PCDHGA6: variants seen among roughly 807,000 people sequenced by gnomAD.
PCDHGA6 encodes protocadherin gamma subfamily A, 6, also known as protocadherin gamma-A6.
In PCDHGA6, 41 loss-of-function variants were observed where a neutral mutation model predicts 60.6. That is an observed-to-expected ratio of 0.68 (90% CI 0.53 to 0.88). The LOEUF (loss-of-function observed/expected upper bound fraction) is 0.88, where lower values mean the gene tolerates loss of function less well. PCDHGA6 is among the 40% of genes least tolerant of loss of function. The pLI is 0.00. For missense variants in PCDHGA6, 1,312 were observed against 1,203.0 expected, an observed-to-expected ratio of 1.09 and a Z score of -1.34; for synonymous variants, 594 against 524.4, an observed-to-expected ratio of 1.13 and a Z score of -1.81.
Position 141,375,434 on chromosome 5 carries a change from A to G in PCDHGA6, c.1351A>G (p.Thr451Ala), listed in dbSNP as rs1423365367. 3 of 1,613,800 alleles carry G rather than the reference A, an allele frequency of 1.9e-6. No individual in the cohort carries two copies. The highest frequency in any genetic ancestry group is 2.5e-6 in the Non-Finnish European group (3 of 1,180,026). ...GGCAGACACCAACGACAACCCGCCC[A>G]CCTTCCCCCATTCATCCTACTCAGT... is the stretch of plus-strand genomic sequence containing the variant. ...NVADTNDNPP[T>A]FPHSSYSVYV... Residue 451 changes from threonine to alanine, a missense_variant, in exon 1 of 4, where the codon ACC becomes GCC. Coordinates refer to ENST00000517434, the MANE Select transcript of PCDHGA6 (RefSeq NM_018919.3).
chr5:141,379,652 T>C (rs905079980), intron 1 of PCDHGA6: 2 of 152,132 alleles, frequency 1.3e-5, no homozygotes, highest in Non-Finnish European at 2.9e-5. Flanking sequence ...ACTACCAACT[T>C]CTACTCTCAC....
chr5:141,491,871 C>T lies in PCDHGA6; in HGVS notation c.2425-2936C>T, dbSNP rs1222191027. 2.1e-6 allele frequency: 3 copies of T among 1,451,434 alleles called. No individual in the cohort carries two copies. Among genetic ancestry groups the T allele is most frequent in the Non-Finnish European group, 2.7e-6 (3 of 1,098,418 alleles). 89.9% of individuals were successfully genotyped at this position (1,451,434 alleles called of 1,614,324 possible). ...ACCGTTTGCGCGAAACCAGAGTGGC[C>T]GATTAAGGGATGGGGCTCCGAGCAC... On this transcript the variant is annotated intron_variant, in intron 1 of 3. Transcript: ENST00000517434. The surrounding 1 kb of genome is among the most constrained non-coding windows in gnomAD (Gnocchi z 6.9).
At chr5:141,426,955 C>T (rs1380917458) in intron 1 of PCDHGA6, 3 of 456,658 alleles carry the variant, frequency 6.6e-6, no homozygotes, top group South Asian at 1.5e-5. Flanking sequence ...ACTGGCACTG[C>T]TGCAATTCAA....
Position 141,383,071 on chromosome 5 carries a change from G to C in PCDHGA6, c.2424+6564G>C. ...CAAGGACCTGGGGCTGGAGCCCCGGGAGCTGGCGGAGCGCGGAGTCCGCAT... is the reference window on the plus strand; with the variant it reads ...CAAGGACCTGGGGCTGGAGCCCCGGCAGCTGGCGGAGCGCGGAGTCCGCAT... On this transcript the variant is annotated intron_variant, in intron 1 of 3. Coordinates refer to ENST00000517434, the MANE Select transcript of PCDHGA6 (RefSeq NM_018919.3). The C allele has an allele frequency of 1.9e-6, 3 of 1,613,916 alleles. No homozygotes were observed. The South Asian group carries it at 3.3e-5, about 18-fold the overall frequency.
At chr5:141,382,671 T>C in intron 1 of PCDHGA6, 1 of 434,850 alleles carries the variant, frequency 2.3e-6, no homozygotes, top group Non-Finnish European at 4.0e-6. Context: ...GCGCCGCTGT[T>C]CACCAACCAG....
intron 1 of PCDHGA6, among the ~76,000 whole-genome samples, chr5:141,437,415 G>A: frequency 6.6e-6 from 1 of 152,162 alleles, no homozygotes; most frequent in Non-Finnish European, 1.5e-5. Context: ...GAAGTATTAT[G>A]CTTTTTGAAG....
Position 141,486,151 on chromosome 5 carries a change from T to C in PCDHGA6, c.2425-8656T>C, listed in dbSNP as rs570065848. The C allele has an allele frequency of 2.7e-5, 44 of 1,613,914 alleles. No individual in the cohort carries two copies. In the South Asian group the frequency reaches 4.3e-4, roughly 16 times the overall value. ...TTGATGTGCGGGCTCGCGATGGGGGTTCTCCAGCCATGGAGCAACATTGCA... is the reference window on the plus strand; with the variant it reads ...TTGATGTGCGGGCTCGCGATGGGGGCTCTCCAGCCATGGAGCAACATTGCA... On this transcript the variant is annotated intron_variant, in intron 1 of 3. Transcript: ENST00000517434. The surrounding 1 kb of genome is among the most constrained non-coding windows in gnomAD (Gnocchi z 5.0).
At chr5:141,422,806 C>T (rs868426196) in intron 1 of PCDHGA6, 2 of 1,614,208 alleles carry the variant, frequency 1.2e-6, no homozygotes, top group Non-Finnish European at 1.7e-6. Flanking sequence ...TGAGCAGTTT[C>T]GAGACTTAGA....
At position 141,491,070 on chromosome 5, in the gene PCDHGA6, G is replaced by T. The variant is rs1405880268; in HGVS notation, c.2425-3737G>T. On this transcript the variant is annotated intron_variant, in intron 1 of 3. Transcript: ENST00000517434. The surrounding 1 kb of genome is among the most constrained non-coding windows in gnomAD (Gnocchi z 6.9). ...ATGCGTGGCTCTCCTACTCACTGTTGCCACAGTCCACAGCCCCAGGACTGT... is the reference window on the plus strand; with the variant it reads ...ATGCGTGGCTCTCCTACTCACTGTTTCCACAGTCCACAGCCCCAGGACTGT... 6.2e-7 allele frequency: 1 copy of T among 1,614,162 alleles called. No homozygotes were observed. Among genetic ancestry groups the T allele is most frequent in the Non-Finnish European group, 8.5e-7 (1 of 1,180,038 alleles).
At chr5:141,445,838 A>T (rs1302150397) in intron 1 of PCDHGA6, among the ~76,000 whole-genome samples, 1 of 152,218 alleles carries the variant, frequency 6.6e-6, no homozygotes, top group South Asian at 2.1e-4. Flanking sequence ...GAGCCTTGTA[A>T]ATCACACTTA....
chr5:141,375,414 A>G lies in PCDHGA6; in HGVS notation c.1331A>G (p.Asp444Gly), dbSNP rs752900319. ...TETIISLNVA[D>G]TNDNPPTFPH... The stretch of plus-strand genomic sequence containing the variant: ...ACAATCATCTCTCTAAATGTGGCAG[A>G]CACCAACGACAACCCGCCCACCTTC... Residue 444 changes from aspartate to glycine, a missense_variant, in exon 1 of 4, where the codon GAC becomes GGC. Transcript: ENST00000517434. 21 of 1,613,866 alleles carry G rather than the reference A, an allele frequency of 1.3e-5. No homozygotes were observed. In the South Asian group the frequency reaches 1.6e-4, roughly 13 times the overall value.
At chr5:141,403,284 A>C in intron 1 of PCDHGA6, 1 of 1,613,912 alleles carries the variant, frequency 6.2e-7, no homozygotes. Flanking sequence ...GTCCTGGTTG[A>C]AGACAGAGTG....
chr5:141,455,149 TTA>T (rs537241375), intron 1 of PCDHGA6, among the ~76,000 whole-genome samples: 1 of 148,248 alleles, frequency 6.7e-6, no homozygotes, highest in Non-Finnish European at 1.5e-5. Context: ...TAAATAAATA[TTA>T]GTTTGTTGGT....
chr5:141,404,651 C>T, intron 1 of PCDHGA6: 2 of 1,614,184 alleles, frequency 1.2e-6, no homozygotes, highest in Non-Finnish European at 1.7e-6. Flanking sequence ...GTACCCTGCC[C>T]TCCCCACTGA....
At chr5:141,414,360 A>G (rs1177384414) in intron 1 of PCDHGA6, 1 of 1,613,800 alleles carries the variant, frequency 6.2e-7, no homozygotes, top group Non-Finnish European at 8.5e-7. Context: ...CGTATCTACC[A>G]TTTAAATTAG....
In PCDHGA6 at chr5:141,487,493, C is replaced by T; in HGVS notation, c.2425-7314C>T. 6.2e-7 allele frequency: 1 copy of T among 1,614,168 alleles called. No individual in the cohort carries two copies. The highest frequency in any genetic ancestry group is 1.1e-5 in the South Asian group (1 of 91,088). On this transcript the variant is annotated intron_variant, in intron 1 of 3. Coordinates refer to ENST00000517434, the MANE Select transcript of PCDHGA6 (RefSeq NM_018919.3). The surrounding 1 kb of genome is among the most constrained non-coding windows in gnomAD (Gnocchi z 5.0). ...GGGAGGCCACTCTCATGGCTGTACA[C>T]CCTTGGCTTCTGCACCCACTCGGAG...
chr5:141,414,210 T>C (rs1252033650), intron 1 of PCDHGA6: 1 of 1,612,706 alleles, frequency 6.2e-7, no homozygotes, highest in East Asian at 2.2e-5. Flanking sequence ...AAGATGTAAA[T>C]GACAACAGTC....
chr5:141,390,474 C>A, intron 1 of PCDHGA6: 1 of 688,724 alleles, frequency 1.5e-6, no homozygotes, highest in Non-Finnish European at 2.4e-6. Flanking sequence ...TTGTGTGGCC[C>A]AACATTTGTT....
In PCDHGA6 at chr5:141,491,633, C is replaced by T; in HGVS notation, c.2425-3174C>T. Reference sequence around the variant, plus strand: ...CTAAGACCCCTCAGCGTTCAGCAGCCCACAGCTCTGGCGCTGGAGCCTGAC... The same window carrying T: ...CTAAGACCCCTCAGCGTTCAGCAGCTCACAGCTCTGGCGCTGGAGCCTGAC... On this transcript the variant is annotated intron_variant, in intron 1 of 3. Transcript: ENST00000517434. This position sits in a 1 kb window ranked among gnomAD's most constrained non-coding sequence, Gnocchi z 6.9. 2 of 1,613,916 alleles carry T rather than the reference C, an allele frequency of 1.2e-6. No homozygotes were observed.
Sources: allele counts gnomAD v4.1 joint callset (sites outside exome capture counted in the v4.1 genomes callset), GRCh38; gene constraint gnomAD v4.1.1; non-coding constraint Gnocchi (gnomAD v3.1); transcripts MANE v1.5; gene names NCBI Gene and HGNC (gene_info 2026-07-23, HGNC 2026-07-21).